Variants in KAZN observed in about 807,000 individuals in gnomAD.
The protein encoded by KAZN is kazrin, periplakin interacting protein.
KAZN carries 40 observed loss-of-function variants against 87.4 expected under a neutral mutation model. That is an observed-to-expected ratio of 0.46 (90% CI 0.36 to 0.60). The LOEUF is 0.60. Among genes scored for constraint, KAZN ranks in the 20% least tolerant of loss-of-function variants. The pLI, the probability that KAZN is intolerant of heterozygous loss-of-function variation, is 0.00. For synonymous variants in KAZN, 466 were observed against 458.3 expected, an observed-to-expected ratio of 1.02 and a Z score of -0.22; for missense variants, 898 against 1,073.9, an observed-to-expected ratio of 0.84 and a Z score of 2.29.
At position 14,280,081 on chromosome 1, in the gene KAZN, G is replaced by A. The variant is rs565210349; in HGVS notation, c.249+99489G>A. ...ATGGACTTAGTTAAGATGAGGTTGC[G>A]GCCGGGCGCGGTGGCTCACACCTGT... On this transcript the variant is annotated intron_variant, in intron 2 of 16. Coordinates refer to the KAZN transcript ENST00000636203. 4.1e-4 allele frequency among the ~76,000 whole-genome samples: 62 copies of A among 152,140 alleles called. 1 individual carries two copies. Among genetic ancestry groups the A allele is most frequent in the African/African-American group, 1.4e-3 (58 of 41,520 alleles).
At chr1:14,407,029 AATAG>A (rs1458491629) in intron 2 of KAZN, among the ~76,000 whole-genome samples, 1 of 152,210 alleles carries the variant, frequency 6.6e-6, no homozygotes, top group Non-Finnish European at 1.5e-5. Context: ...GTACCCCCAA[AATAG>A]ATCACTTAGT....
chr1:14,227,858 T>C (rs565050557), intron 2 of KAZN, among the ~76,000 whole-genome samples: 1 of 152,304 alleles, frequency 6.6e-6, no homozygotes, highest in African/African-American at 2.4e-5. Context: ...TATGTATGTA[T>C]GTAGTATGGA....
At chr1:14,892,965 G>C (rs528021271) in intron 1 of KAZN, among the ~76,000 whole-genome samples, 142 of 152,346 alleles carry the variant, frequency 9.3e-4, no homozygotes, top group African/African-American at 3.4e-3. Flanking sequence ...CTACGTAGCA[G>C]GCACAATTCT....
intron 1 of KAZN, among the ~76,000 whole-genome samples, chr1:14,117,335 A>G (rs1644646478): frequency 6.6e-6 from 1 of 152,106 alleles, no homozygotes; most frequent in Admixed American, 6.5e-5. Flanking sequence ...GTGATAGTGA[A>G]TAAGTCTCAT....
At chr1:14,557,128 G>A (rs1557798705) in intron 2 of KAZN, among the ~76,000 whole-genome samples, 1 of 151,930 alleles carries the variant, frequency 6.6e-6, no homozygotes, top group Non-Finnish European at 1.5e-5. Flanking sequence ...GAAATAACGT[G>A]GGCAAATAGT....
chr1:14,885,301 A>C lies in KAZN; in HGVS notation c.227-75383A>C, dbSNP rs548406173. Among the ~76,000 whole-genome samples the C allele has an allele frequency of 2.0e-4, 31 of 151,972 alleles. No individual in the cohort carries two copies. In the South Asian group the frequency reaches 2.1e-3, roughly 10 times the overall value. ...CTCCTACGTCCTTGCCTGCTCCCCA[A>C]ATCTCCCAGCTCCTTCTGCCTGCTG... On this transcript the variant is annotated intron_variant, in intron 1 of 14. Transcript: ENST00000376030.
At chr1:14,556,390 T>G (rs4259638) in intron 2 of KAZN, among the ~76,000 whole-genome samples, 21,584 of 152,054 alleles carry the variant, frequency 0.14, 2,593 homozygotes, top group African/African-American at 0.32. Flanking sequence ...ATTACAGGTG[T>G]GAGCCCCCGT....
chr1:14,835,415 G>C (rs61772314), intron 1 of KAZN, among the ~76,000 whole-genome samples: 7,192 of 152,230 alleles, frequency 0.047, 253 homozygotes, highest in Admixed American at 0.09. Context: ...CAGAGCCAGA[G>C]AAAACCTGAC....
intron 1 of KAZN, among the ~76,000 whole-genome samples, chr1:13,962,523 C>T (rs1641792476): frequency 6.6e-6 from 1 of 152,136 alleles, no homozygotes; most frequent in African/African-American, 2.4e-5. Flanking sequence ...TGTTTACTTT[C>T]CCAACAACCC....
chr1:14,226,602 G>A (rs555506939), intron 2 of KAZN, among the ~76,000 whole-genome samples: 1 of 152,146 alleles, frequency 6.6e-6, no homozygotes, highest in Non-Finnish European at 1.5e-5. Context: ...ACATGCACGT[G>A]AATGTTCATC....
chr1:14,330,842 G>A (rs1385477183), intron 2 of KAZN, among the ~76,000 whole-genome samples: 2 of 152,162 alleles, frequency 1.3e-5, no homozygotes, highest in East Asian at 3.8e-4. Context: ...AACTATATGT[G>A]TAAATCTGGA....
chr1:14,411,280 C>CATTTTCAGGCAGGCAAGGCCGA (rs1482263070), intron 2 of KAZN, among the ~76,000 whole-genome samples: 14 of 152,168 alleles, frequency 9.2e-5, no homozygotes, highest in Non-Finnish European at 1.9e-4. Context: ...AAAATGAAGT[C>CATTTTCAGGCAGGCAAGGCCGA]ATTTTCAGGC....
At chr1:14,492,485 C>T (rs1014421223) in intron 2 of KAZN, among the ~76,000 whole-genome samples, 6 of 151,350 alleles carry the variant, frequency 4.0e-5, no homozygotes, top group African/African-American at 1.5e-4. Context: ...ACGAGACTTC[C>T]CTTATGAAGC....
intron 1 of KAZN, among the ~76,000 whole-genome samples, chr1:14,712,979 T>G (rs1024181705): frequency 1.3e-5 from 2 of 152,184 alleles, no homozygotes; most frequent in Non-Finnish European, 1.5e-5. Flanking sequence ...TGTTTTTTAA[T>G]GCCGCACTGC....
At chr1:14,124,999 C>A (rs369544792) in intron 1 of KAZN, among the ~76,000 whole-genome samples, 3 of 152,176 alleles carry the variant, frequency 2.0e-5, no homozygotes, top group East Asian at 3.9e-4. Flanking sequence ...ATTGCAGTAG[C>A]GAGTGGATAG....
intron 1 of KAZN, among the ~76,000 whole-genome samples, chr1:14,713,789 A>AGAAAG (rs1557909222): frequency 1.3e-5 from 1 of 74,752 alleles, no homozygotes; most frequent in Admixed American, 1.2e-4. Context: ...AAAAAAAAAA[A>AGAAAG]AAAAAAAAAA....
intron 2 of KAZN, among the ~76,000 whole-genome samples, chr1:14,396,340 C>A (rs184534480): frequency 3.9e-4 from 59 of 152,320 alleles, no homozygotes; most frequent in Admixed American, 3.9e-3. Flanking sequence ...TTCAGCCACA[C>A]CAGCTATGGC....
At chr1:14,064,673 G>A (rs1264357828) in intron 1 of KAZN, among the ~76,000 whole-genome samples, 1 of 152,202 alleles carries the variant, frequency 6.6e-6, no homozygotes, top group African/African-American at 2.4e-5. Flanking sequence ...CTGAGAGCAC[G>A]AGGGTGGGGG....
chr1:13,968,882 C>T (rs1487633021), intron 1 of KAZN, among the ~76,000 whole-genome samples: 1 of 152,136 alleles, frequency 6.6e-6, no homozygotes, highest in African/African-American at 2.4e-5. Context: ...CCGATGACTC[C>T]CAAATCTACA....
Sources: gnomAD v4.1 joint callset for allele counts (sites outside exome capture counted in the v4.1 genomes callset) on GRCh38, gnomAD v4.1.1 for gene constraint, MANE v1.5 for transcripts, NCBI Gene and HGNC (gene_info 2026-07-23, HGNC 2026-07-21) for gene names.